Variants in MAP2K4 observed in about 807,000 individuals in gnomAD.
MAP2K4 encodes mitogen-activated protein kinase kinase 4, also known as dual specificity mitogen-activated protein kinase kinase 4.
A neutral mutation model predicts 48.5 loss-of-function variants in MAP2K4; 4 were observed. The observed-to-expected ratio is 0.08, with a 90% CI of 0.04 to 0.19. The LOEUF (loss-of-function observed/expected upper bound fraction) is 0.19, where lower values mean the gene tolerates loss of function less well. MAP2K4 is among the 10% of genes least tolerant of loss of function. The probability of loss-of-function intolerance (pLI) is 1.00; values close to 1 mark genes in which losing one functional copy is unlikely to be tolerated. For synonymous variants in MAP2K4, 166 were observed against 173.1 expected (o/e 0.96, Z 0.32); for missense variants, 258 against 493.3 (o/e 0.52, Z 4.52).
chr17:12,143,224 G>A lies in MAP2K4; in HGVS notation c.*1964G>A, dbSNP rs1973431701. On this transcript the variant is annotated 3_prime_UTR_variant, in exon 11 of 11. Transcript: ENST00000353533. Reference sequence around the variant, plus strand: ...TTTCTCTGCTGTCAACTTCCCATCTGGCTCAGCATAGGGTCACTTTGCCAT... The same window carrying A: ...TTTCTCTGCTGTCAACTTCCCATCTAGCTCAGCATAGGGTCACTTTGCCAT... 4.3e-6 allele frequency: 1 copy of A among 232,920 alleles called. No homozygotes were observed. The highest frequency in any genetic ancestry group is 2.2e-5 in the African/African-American group (1 of 45,282). 14.4% of individuals were successfully genotyped at this position (232,920 alleles called of 1,614,324 possible).
chr17:12,029,000 G>T (rs1969345389), intron 1 of MAP2K4, among the ~76,000 whole-genome samples: 1 of 152,136 alleles, frequency 6.6e-6, no homozygotes, highest in South Asian at 2.1e-4. Context: ...TAGAACTCTG[G>T]TCTCCTAACA....
At chr17:12,070,730 C>T (rs904466043) in intron 2 of MAP2K4, among the ~76,000 whole-genome samples, 2 of 152,210 alleles carry the variant, frequency 1.3e-5, no homozygotes, top group Admixed American at 6.5e-5. Context: ...TTTATTGGAA[C>T]ATAGCCACAC....
intron 2 of MAP2K4, among the ~76,000 whole-genome samples, chr17:12,058,496 C>T (rs1270021946): frequency 6.6e-6 from 1 of 152,152 alleles, no homozygotes; most frequent in Non-Finnish European, 1.5e-5. Context: ...TGCATGCCTG[C>T]CTCCTACCAT....
chr17:12,043,951 A>G (rs1357092578), intron 1 of MAP2K4, among the ~76,000 whole-genome samples: 5 of 151,402 alleles, frequency 3.3e-5, no homozygotes, highest in African/African-American at 4.9e-5. Context: ...TTAACAGTCT[A>G]CTCACTTGGT....
chr17:12,053,572 C>T (rs1264639870), intron 1 of MAP2K4, among the ~76,000 whole-genome samples: 1 of 151,086 alleles, frequency 6.6e-6, no homozygotes, highest in Non-Finnish European at 1.5e-5. Context: ...ACAGTCATAT[C>T]TGCTATGTTT....
At chr17:12,111,488 T>C (rs1414647514) in intron 6 of MAP2K4, among the ~76,000 whole-genome samples, 4 of 152,124 alleles carry the variant, frequency 2.6e-5, no homozygotes, top group Non-Finnish European at 5.9e-5. Context: ...TGATTTTTTT[T>C]TTTTTCCCTT....
At chr17:12,054,703 A>G (rs1313365846) in intron 1 of MAP2K4, among the ~76,000 whole-genome samples, 186 bp from the exon 2 acceptor site, 1 of 152,142 alleles carries the variant, frequency 6.6e-6, no homozygotes, top group African/African-American at 2.4e-5. Flanking sequence ...GTAGTTAGTA[A>G]CAACTTTAGA....
chr17:12,107,968 G>A (rs1972176297), intron 5 of MAP2K4, 59 bp downstream of exon 5: 1 of 1,389,120 alleles, frequency 7.2e-7, no homozygotes, highest in African/African-American at 1.5e-5. Context: ...GATGCTGCTG[G>A]AGTTTTGAAT....
intron 4 of MAP2K4, among the ~76,000 whole-genome samples, chr17:12,099,854 A>G (rs1971880051): frequency 6.6e-6 from 1 of 152,220 alleles, no homozygotes; most frequent in Non-Finnish European, 1.5e-5. Flanking sequence ...CATAGCAGGT[A>G]AACTCTTATT....
At chr17:12,105,218 A>G (rs1371228178) in intron 4 of MAP2K4, among the ~76,000 whole-genome samples, 3 of 152,246 alleles carry the variant, frequency 2.0e-5, no homozygotes, top group African/African-American at 7.2e-5. Context: ...GAAAATTTTG[A>G]TTAGAATTTA....
intron 2 of MAP2K4, among the ~76,000 whole-genome samples, chr17:12,060,193 A>G (rs1567638490): frequency 6.6e-6 from 1 of 152,176 alleles, no homozygotes; most frequent in Non-Finnish European, 1.5e-5. Context: ...ATTGTTTTTA[A>G]AAAGAAATAA....
At chr17:12,126,931 A>AT (rs1325233790) in intron 8 of MAP2K4, among the ~76,000 whole-genome samples, 1 of 151,722 alleles carries the variant, frequency 6.6e-6, no homozygotes, top group Non-Finnish European at 1.5e-5. Context: ...CTCTTCTTTC[A>AT]TTTTCTCCCA....
intron 3 of MAP2K4, among the ~76,000 whole-genome samples, chr17:12,086,448 A>G (rs1013088275): frequency 6.6e-6 from 1 of 152,134 alleles, no homozygotes; most frequent in African/African-American, 2.4e-5. Flanking sequence ...CCCAGTATAC[A>G]TGTGTGCTTG....
intron 2 of MAP2K4, among the ~76,000 whole-genome samples, chr17:12,063,383 T>TATTA (rs1161132642): frequency 6.6e-6 from 1 of 152,142 alleles, no homozygotes; most frequent in African/African-American, 2.4e-5. Flanking sequence ...GTGCTTATAA[T>TATTA]ATTCAGTGGG....
At chr17:12,087,902 G>A (rs905014764) in intron 3 of MAP2K4, among the ~76,000 whole-genome samples, 1 of 151,720 alleles carries the variant, frequency 6.6e-6, no homozygotes, top group South Asian at 2.1e-4. Flanking sequence ...ATTAATGATG[G>A]CTTTGTGAGA....
chr17:12,135,966 A>G (rs754174283), intron 9 of MAP2K4, among the ~76,000 whole-genome samples: 1 of 152,226 alleles, frequency 6.6e-6, no homozygotes, highest in Non-Finnish European at 1.5e-5. Flanking sequence ...GTCAAAGTAA[A>G]TTAAAGGATA....
In MAP2K4 at chr17:12,037,547, T is replaced by G. The variant is rs144487937; in HGVS notation, c.115+16546T>G. 1.3e-3 allele frequency among the ~76,000 whole-genome samples: 195 copies of G among 152,300 alleles called. 1 individual carries two copies. Among genetic ancestry groups the G allele is most frequent in the Non-Finnish European group, 1.9e-3 (128 of 68,012 alleles). On this transcript the variant is annotated intron_variant, in intron 1 of 10. Coordinates refer to ENST00000353533, the MANE Select transcript of MAP2K4 (RefSeq NM_003010.4). Reference sequence around the variant, plus strand: ...CAAAAATTATATAATTTGGAAATTATTAAATTCAACTGAGTTTGTCAGCAA... The same window carrying G: ...CAAAAATTATATAATTTGGAAATTAGTAAATTCAACTGAGTTTGTCAGCAA...
chr17:12,124,943 G>C (rs1322609442), intron 7 of MAP2K4: 1 of 217,360 alleles, frequency 4.6e-6, no homozygotes, highest in East Asian at 1.0e-4. Flanking sequence ...CCAAAGTGCT[G>C]GGATTACGGG....
rs549751019 is a variant in MAP2K4, at chr17:12,133,120, C to T, written c.1040+3833C>T. 1.2e-4 allele frequency among the ~76,000 whole-genome samples: 19 copies of T among 152,150 alleles called. No individual in the cohort carries two copies. The East Asian group carries it at 1.4e-3, about 11-fold the overall frequency. On this transcript the variant is annotated intron_variant, in intron 9 of 10. Transcript: ENST00000353533. ...TTTTTAATATGGAGCCTTGCTCTGT[C>T]GCCCAGGCTGGAGTGTAGTGGCGCG...
Sources: gnomAD v4.1 joint callset for allele counts (sites outside exome capture counted in the v4.1 genomes callset) on GRCh38, gnomAD v4.1.1 for gene constraint, MANE v1.5 for transcripts, NCBI Gene and HGNC (gene_info 2026-07-23, HGNC 2026-07-21) for gene names.